Variants in SIRT5 observed in about 807,000 individuals in gnomAD.
SIRT5 encodes sirtuin 5.
SIRT5 carries 26 observed loss-of-function variants against 40.0 expected under a neutral mutation model. That is an observed-to-expected ratio of 0.65 (90% CI 0.48 to 0.90). SIRT5 has a LOEUF of 0.90. Ranked by LOEUF, SIRT5 falls within the 40% of genes least tolerant of loss-of-function variation. The pLI, the probability that SIRT5 is intolerant of heterozygous loss-of-function variation, is 0.00. For synonymous variants in SIRT5, 146 were observed against 149.1 expected, an observed-to-expected ratio of 0.98 and a Z score of 0.15; for missense variants, 401 against 402.4, an observed-to-expected ratio of 1.00 and a Z score of 0.03.
chr6:13,580,836 T>G (rs1202948567), intron 2 of SIRT5, among the ~76,000 whole-genome samples: 1 of 152,146 alleles, frequency 6.6e-6, no homozygotes, highest in Non-Finnish European at 1.5e-5. Flanking sequence ...GCCCAGCTAC[T>G]TTTTTGTAGA....
At chr6:13,581,291 T>A (rs1331200060) in intron 2 of SIRT5, among the ~76,000 whole-genome samples, 5 of 152,242 alleles carry the variant, frequency 3.3e-5, no homozygotes, top group Non-Finnish European at 5.9e-5. Context: ...GTTTCTCCAG[T>A]TCTTATCTTT....
chr6:13,579,732 T>A (rs1430740683), intron 2 of SIRT5, 123 bp downstream of exon 2: 2 of 152,250 alleles, frequency 1.3e-5, no homozygotes, highest in Non-Finnish European at 2.9e-5. Flanking sequence ...GCAAGTTTAA[T>A]AATTGTCATC....
intron 4 of SIRT5, 80 bp from the exon 5 acceptor site, chr6:13,591,589 G>A: frequency 8.2e-7 from 1 of 1,215,888 alleles, no homozygotes; most frequent in Non-Finnish European, 1.1e-6. Flanking sequence ...TCTGCCTTAG[G>A]GAGGAAGGGC....
intron 9 of SIRT5, chr6:13,604,628 C>A: frequency 6.8e-7 from 1 of 1,469,658 alleles, no homozygotes; most frequent in South Asian, 1.4e-5. Flanking sequence ...ACCTCCCATG[C>A]CATGGACTGA....
intron 3 of SIRT5, among the ~76,000 whole-genome samples, chr6:13,587,615 T>C (rs1363807758): frequency 2.0e-5 from 3 of 152,206 alleles, no homozygotes; most frequent in Non-Finnish European, 2.9e-5. Flanking sequence ...GCAGGAGAAC[T>C]GCCTGGAGTT....
chr6:13,608,214 T>G (rs937667339), intron 9 of SIRT5, among the ~76,000 whole-genome samples: 1 of 152,248 alleles, frequency 6.6e-6, no homozygotes, highest in Non-Finnish European at 1.5e-5. Context: ...TTGCATTTTT[T>G]CTTTTCTCTT....
At chr6:13,582,693 C>T (rs1759509255) in intron 2 of SIRT5, among the ~76,000 whole-genome samples, 1 of 150,760 alleles carries the variant, frequency 6.6e-6, no homozygotes, top group Non-Finnish European at 1.5e-5. Context: ...ATATTTTCTG[C>T]CCCCACAGTT....
At chr6:13,599,666 T>C (rs1762107829) in intron 8 of SIRT5, among the ~76,000 whole-genome samples, 2 of 152,210 alleles carry the variant, frequency 1.3e-5, no homozygotes, top group Non-Finnish European at 2.9e-5. Context: ...AAAGTTTTAT[T>C]GGAACTCAGC....
intron 1 of SIRT5, among the ~76,000 whole-genome samples, chr6:13,576,182 T>G (rs1257748169): frequency 6.6e-6 from 1 of 152,214 alleles, no homozygotes; most frequent in Non-Finnish European, 1.5e-5. Flanking sequence ...GAAGTAGGAT[T>G]TCTGGGTCAT....
intron 9 of SIRT5, among the ~76,000 whole-genome samples, chr6:13,609,073 C>T (rs987525464): frequency 5.3e-5 from 8 of 152,160 alleles, no homozygotes; most frequent in Non-Finnish European, 1.2e-4. Flanking sequence ...TTGCCCACCT[C>T]GGTCTCCCAA....
rs1045937001 is a variant in SIRT5 at position 13,605,814 on chromosome 6, T to C, written c.857+4865T>C. ...ATTTGTACATTCGCTGAGGCAAAAA[T>C]GGGACTGTCGCTGCAGGGAGCTGGT... On this transcript the variant is annotated intron_variant, in intron 9 of 9. Coordinates refer to ENST00000606117, the MANE Select transcript of SIRT5 (RefSeq NM_012241.5). 38 of 985,442 alleles carry C rather than the reference T, an allele frequency of 3.9e-5. No individual in the cohort carries two copies. In the East Asian group the frequency reaches 2.3e-3, roughly 59 times the overall value. 61.0% of individuals were successfully genotyped at this position (985,442 alleles called of 1,614,324 possible).
intron 9 of SIRT5, among the ~76,000 whole-genome samples, chr6:13,601,570 T>C (rs1200127024): frequency 1.3e-5 from 2 of 152,158 alleles, no homozygotes; most frequent in Admixed American, 1.3e-4. Context: ...TTAATTCCTT[T>C]TGAATAAGTT....
intron 9 of SIRT5, among the ~76,000 whole-genome samples, chr6:13,606,356 C>CTG (rs1291385036): frequency 2.6e-5 from 4 of 152,108 alleles, no homozygotes; most frequent in African/African-American, 9.7e-5. Context: ...CCCAAGCTAC[C>CTG]TGCTGTTGGA....
At chr6:13,590,892 CAT>C (rs71889023) in intron 4 of SIRT5, among the ~76,000 whole-genome samples, 28,898 of 149,454 alleles carry the variant, frequency 0.19, 3,199 homozygotes, top group Middle Eastern at 0.26. Flanking sequence ...TGTGTAGCAG[CAT>C]ATGTGTGTTT....
At chr6:13,611,102 G>A (rs1297322136) in intron 9 of SIRT5, among the ~76,000 whole-genome samples, 2 of 150,544 alleles carry the variant, frequency 1.3e-5, no homozygotes, top group Non-Finnish European at 3.0e-5. Flanking sequence ...TGAGAGGCTC[G>A]TTGACTTAGC....
At chr6:13,579,649 T>C (rs1759076136) in intron 2 of SIRT5, 40 bp downstream of exon 2, 1 of 152,252 alleles carries the variant, frequency 6.6e-6, no homozygotes, top group African/African-American at 2.4e-5. Flanking sequence ...AGTAACTTCA[T>C]GCAGCATATA....
chr6:13,584,543 G>T (rs898423366), intron 3 of SIRT5, among the ~76,000 whole-genome samples: 9 of 152,100 alleles, frequency 5.9e-5, no homozygotes, highest in African/African-American at 2.2e-4. Flanking sequence ...TAGAGATGGG[G>T]TTTCGCCATG....
chr6:13,583,946 G>T, intron 2 of SIRT5, 130 bp from the exon 3 acceptor site: 1 of 404,818 alleles, frequency 2.5e-6, no homozygotes, highest in Non-Finnish European at 4.3e-6. Flanking sequence ...GTATGTGTGC[G>T]TGTGGGTATA....
chr6:13,579,485 CAGA>C lies in SIRT5; in HGVS notation c.-152_-150del, dbSNP rs1759060448. 4 of 152,022 alleles carry C rather than the reference CAGA, an allele frequency of 2.6e-5. No individual in the cohort carries two copies. The highest frequency in any genetic ancestry group is 2.0e-4 in the Admixed American group (3 of 15,260). The allele number at this position is 152,022 out of a possible 1,614,324, so 9.4% of individuals were successfully genotyped here. A position where few individuals can be genotyped will look rare whatever the true frequency, so the allele number is the denominator to read the frequency against. Reference sequence around the variant, plus strand: ...ATGTTTTCTAACATATAAAAACCTACAGAAGAAGAAAATAATTTTCTGGATCAA... The same window carrying C: ...ATGTTTTCTAACATATAAAAACCTACAGAAGAAAATAATTTTCTGGATCAA... On this transcript the variant is annotated 5_prime_UTR_variant, in exon 2 of 10. Coordinates refer to ENST00000606117, the MANE Select transcript of SIRT5 (RefSeq NM_012241.5).
Sources: gnomAD v4.1 joint callset for allele counts (sites outside exome capture counted in the v4.1 genomes callset) on GRCh38, gnomAD v4.1.1 for gene constraint, MANE v1.5 for transcripts, NCBI Gene and HGNC (gene_info 2026-07-23, HGNC 2026-07-21) for gene names.